ADAMTSL1: variants seen among roughly 807,000 people sequenced by gnomAD.
ADAMTSL1 encodes ADAMTS like 1, also known as ADAMTS-like protein 1.
ADAMTSL1 carries 126 observed loss-of-function variants against 201.8 expected under a neutral mutation model. That is an observed-to-expected ratio of 0.62 (90% CI 0.54 to 0.72). The LOEUF (loss-of-function observed/expected upper bound fraction) is 0.72, where lower values mean the gene tolerates loss of function less well. Among genes scored for constraint, ADAMTSL1 ranks in the 30% least tolerant of loss-of-function variants. ADAMTSL1 has a pLI of 0.00. For missense variants in ADAMTSL1, 2,679 were observed against 2,277.8 expected (o/e 1.18, Z -3.59); for synonymous variants, 1,121 against 903.4 (o/e 1.24, Z -4.32).
rs1171115730 is a variant in ADAMTSL1 at position 18,905,526 on chromosome 9, C to T, written c.4852-256C>T. 10 of 486,968 alleles carry T rather than the reference C, an allele frequency of 2.1e-5. 1 individual carries two copies. Among genetic ancestry groups the T allele is most frequent in the South Asian group, 1.3e-4 (5 of 38,132 alleles). The allele number at this position is 486,968 out of a possible 1,614,324, so 30.2% of individuals were successfully genotyped here. A position where few individuals can be genotyped will look rare whatever the true frequency, so the allele number is the denominator to read the frequency against. ...TATGATTAATCTGAGAGGAGCTTGA[C>T]GTTCTCTTACTGGTTCTACACTACC... On this transcript the variant is annotated intron_variant, in intron 26 of 28. Coordinates refer to ENST00000380548, the MANE Select transcript of ADAMTSL1 (RefSeq NM_001040272.6).
intron 2 of ADAMTSL1, among the ~76,000 whole-genome samples, chr9:18,296,790 C>T (rs1240511955): frequency 2.6e-5 from 4 of 152,082 alleles, no homozygotes; most frequent in Admixed American, 6.5e-5. Context: ...AGCAAGAAAC[C>T]ACAGTGTGGC....
chr9:17,935,235 G>T (rs192902050), intron 1 of ADAMTSL1, among the ~76,000 whole-genome samples: 64 of 151,958 alleles, frequency 4.2e-4, no homozygotes, highest in Middle Eastern at 3.4e-3. Flanking sequence ...TTGATTGTGC[G>T]GCCTCCAGAA....
At chr9:18,216,524 T>A (rs1312945236) in intron 2 of ADAMTSL1, among the ~76,000 whole-genome samples, 1 of 152,032 alleles carries the variant, frequency 6.6e-6, no homozygotes, top group Non-Finnish European at 1.5e-5. Context: ...GTTTAGGAGG[T>A]TGGCAGCAGC....
In ADAMTSL1 at chr9:18,359,514, A is replaced by G. The variant is rs566289976; in HGVS notation, c.208-145315A>G. 1.2e-4 allele frequency among the ~76,000 whole-genome samples: 18 copies of G among 152,260 alleles called. 1 individual carries two copies. In the East Asian group the frequency reaches 3.5e-3, roughly 29 times the overall value. ...GATGGTTACTAATGGTGGTTTCTTT[A>G]CTCACCAGGAAGATATTTGAATCAA... On this transcript the variant is annotated intron_variant, in intron 2 of 29. Transcript: ENST00000680146.
chr9:18,020,147 A>G (rs1323398279), intron 1 of ADAMTSL1, among the ~76,000 whole-genome samples: 2 of 152,074 alleles, frequency 1.3e-5, no homozygotes, highest in East Asian at 3.9e-4. Flanking sequence ...AGATGATGGA[A>G]GTAGACCTTG....
At chr9:18,386,355 G>C (rs1253833956) in intron 2 of ADAMTSL1, among the ~76,000 whole-genome samples, 1 of 152,150 alleles carries the variant, frequency 6.6e-6, no homozygotes, top group Non-Finnish European at 1.5e-5. Flanking sequence ...AACCATGATG[G>C]TTAGTGGTGA....
intron 2 of ADAMTSL1, among the ~76,000 whole-genome samples, chr9:18,215,367 C>T (rs957180712): frequency 2.6e-5 from 4 of 151,918 alleles, no homozygotes; most frequent in Non-Finnish European, 5.9e-5. Context: ...TATGGGAAAA[C>T]CTTAACTATA....
At chr9:17,930,357 G>T (rs992765566) in intron 1 of ADAMTSL1, among the ~76,000 whole-genome samples, 17 of 152,050 alleles carry the variant, frequency 1.1e-4, no homozygotes, top group Non-Finnish European at 2.4e-4. Flanking sequence ...AGTTTTCTTG[G>T]GGGTAGTCCT....
intron 20 of ADAMTSL1, among the ~76,000 whole-genome samples, chr9:18,799,939 C>G (rs767182671): frequency 2.0e-5 from 3 of 152,200 alleles, no homozygotes; most frequent in Admixed American, 1.3e-4. Flanking sequence ...ATGTAAGTCA[C>G]TTCAAATTAG....
At chr9:17,927,732 G>T (rs1188603094) in intron 1 of ADAMTSL1, among the ~76,000 whole-genome samples, 1 of 152,042 alleles carries the variant, frequency 6.6e-6, no homozygotes, top group Admixed American at 6.5e-5. Context: ...AAGTATTTCA[G>T]AGGATATGTG....
intron 3 of ADAMTSL1, among the ~76,000 whole-genome samples, chr9:18,566,982 T>TCAAAG (rs1821944574): frequency 6.6e-6 from 1 of 152,194 alleles, no homozygotes; most frequent in South Asian, 2.1e-4. Flanking sequence ...GCAGTGGTTC[T>TCAAAG]CAAAGCGGGT....
intron 2 of ADAMTSL1, among the ~76,000 whole-genome samples, chr9:18,256,421 A>T (rs1320118389): frequency 6.6e-6 from 1 of 152,214 alleles, no homozygotes; most frequent in Non-Finnish European, 1.5e-5. Context: ...ACAGGAAAGA[A>T]TGCAAAGTAC....
chr9:18,361,534 G>T lies in ADAMTSL1; in HGVS notation c.208-143295G>T, dbSNP rs193013567. Among the ~76,000 whole-genome samples the T allele has an allele frequency of 7.9e-5, 12 of 152,296 alleles. No homozygotes were observed. The East Asian group carries it at 1.7e-3, about 22-fold the overall frequency. On this transcript the variant is annotated intron_variant, in intron 2 of 29. Coordinates refer to the ADAMTSL1 transcript ENST00000680146. ...TTTAAATGACTTTGAACTTAATGAT[G>T]TGTTGTGCCTTAAAGCAAACAATAG...
At chr9:18,140,127 C>G (rs1826335737) in intron 1 of ADAMTSL1, among the ~76,000 whole-genome samples, 1 of 152,130 alleles carries the variant, frequency 6.6e-6, no homozygotes, top group South Asian at 2.1e-4. Context: ...TAAGCAAACC[C>G]TAGCCTACTC....
At chr9:18,226,165 T>C (rs1176721229) in intron 2 of ADAMTSL1, among the ~76,000 whole-genome samples, 1 of 152,194 alleles carries the variant, frequency 6.6e-6, no homozygotes. Flanking sequence ...ATGTAATTAA[T>C]TGTGTTTCTT....
intron 1 of ADAMTSL1, among the ~76,000 whole-genome samples, chr9:17,930,029 G>C (rs549153056): frequency 6.6e-6 from 1 of 152,178 alleles, no homozygotes; most frequent in East Asian, 1.9e-4. Flanking sequence ...CTTGGGATTG[G>C]TTTTACAGTG....
intron 15 of ADAMTSL1, among the ~76,000 whole-genome samples, chr9:18,728,141 C>A (rs536771137): frequency 6.6e-6 from 1 of 151,908 alleles, no homozygotes; most frequent in South Asian, 2.1e-4. Flanking sequence ...AGACAACTGC[C>A]TTGCATGCAT....
chr9:18,787,647 T>A (rs1821781056), intron 19 of ADAMTSL1, among the ~76,000 whole-genome samples: 1 of 152,174 alleles, frequency 6.6e-6, no homozygotes, highest in South Asian at 2.1e-4. Context: ...ATTTTAGGAT[T>A]TGCAGGCATC....
chr9:18,811,006 G>A (rs112935956), intron 20 of ADAMTSL1, among the ~76,000 whole-genome samples: 924 of 77,428 alleles, frequency 0.012, 12 homozygotes, highest in African/African-American at 0.047. Flanking sequence ...AAACACCAAT[G>A]AGTACCAAAA....
Sources: allele counts gnomAD v4.1 joint callset (sites outside exome capture counted in the v4.1 genomes callset), GRCh38; gene constraint gnomAD v4.1.1; transcripts MANE v1.5; gene names NCBI Gene and HGNC (gene_info 2026-07-23, HGNC 2026-07-21).